BMP5: variants seen among roughly 807,000 people sequenced by gnomAD.
BMP5 encodes the protein bone morphogenetic protein 5.
BMP5 carries 23 observed loss-of-function variants against 46.6 expected under a neutral mutation model. The ratio of observed to expected loss-of-function variants is 0.49; its 90% CI spans 0.35 to 0.70. The LOEUF (loss-of-function observed/expected upper bound fraction) is 0.70, where lower values mean the gene tolerates loss of function less well. Ranked by LOEUF, BMP5 falls within the 30% of genes least tolerant of loss-of-function variation. The probability of loss-of-function intolerance (pLI) is 0.00; values close to 1 mark genes in which losing one functional copy is unlikely to be tolerated. For missense variants in BMP5, 545 were observed against 565.6 expected (o/e 0.96, Z 0.37); for synonymous variants, 204 against 191.9 (o/e 1.06, Z -0.52).
chr6:55,769,350 A>G (rs1774992681), intron 4 of BMP5, among the ~76,000 whole-genome samples: 1 of 151,940 alleles, frequency 6.6e-6, no homozygotes, highest in African/African-American at 2.4e-5. Context: ...CATTCACAGT[A>G]TCTTCACCAG....
At chr6:55,863,136 T>C (rs1233270730) in intron 1 of BMP5, among the ~76,000 whole-genome samples, 1 of 152,174 alleles carries the variant, frequency 6.6e-6, no homozygotes, top group East Asian at 1.9e-4. Flanking sequence ...AATGACTGAA[T>C]GAATGACCTT....
At chr6:55,784,076 T>C (rs1359950275) in intron 3 of BMP5, among the ~76,000 whole-genome samples, 1 of 151,922 alleles carries the variant, frequency 6.6e-6, no homozygotes, top group South Asian at 2.1e-4. Flanking sequence ...CTCATTCAAA[T>C]ATAAATAAAC....
chr6:55,843,598 GA>G (rs997755030), intron 1 of BMP5, among the ~76,000 whole-genome samples: 1 of 151,744 alleles, frequency 6.6e-6, no homozygotes, highest in African/African-American at 2.4e-5. Context: ...TTTAGGAATA[GA>G]AAAAAAGCAA....
At chr6:55,764,918 T>C (rs1213770569) in intron 4 of BMP5, among the ~76,000 whole-genome samples, 3 of 152,128 alleles carry the variant, frequency 2.0e-5, no homozygotes, top group African/African-American at 7.2e-5. Flanking sequence ...TTAGCGATAA[T>C]TAATTCTACA....
chr6:55,868,277 A>G (rs1412643039), intron 1 of BMP5, among the ~76,000 whole-genome samples: 1 of 152,212 alleles, frequency 6.6e-6, no homozygotes, highest in Non-Finnish European at 1.5e-5. Flanking sequence ...AACAAGAACA[A>G]TAAAAGTTGC....
intron 3 of BMP5, among the ~76,000 whole-genome samples, chr6:55,777,275 A>G (rs1775199183): frequency 6.6e-6 from 1 of 152,038 alleles, no homozygotes; most frequent in Non-Finnish European, 1.5e-5. Context: ...GTATTAAAAA[A>G]AAAGTAAATT....
intron 1 of BMP5, among the ~76,000 whole-genome samples, chr6:55,826,127 A>C (rs1338076533): frequency 6.6e-6 from 1 of 151,826 alleles, no homozygotes; most frequent in African/African-American, 2.4e-5. Context: ...GAATATGTAC[A>C]TGTTTTCCAT....
intron 2 of BMP5, among the ~76,000 whole-genome samples, chr6:55,808,750 C>A (rs1562048468): frequency 6.6e-6 from 1 of 152,196 alleles, no homozygotes; most frequent in Non-Finnish European, 1.5e-5. Context: ...AGGTGGGCCA[C>A]CGCACCCCAC....
intron 2 of BMP5, among the ~76,000 whole-genome samples, chr6:55,806,909 A>T (rs937013023): frequency 2.0e-5 from 3 of 152,102 alleles, no homozygotes; most frequent in African/African-American, 7.2e-5. Flanking sequence ...TGATTTTTGC[A>T]CATTGATTTT....
chr6:55,864,762 C>A (rs896007113), intron 1 of BMP5, among the ~76,000 whole-genome samples: 1 of 151,930 alleles, frequency 6.6e-6, no homozygotes, highest in African/African-American at 2.4e-5. Context: ...AATGTGCATC[C>A]TGTAATAGAA....
intron 1 of BMP5, among the ~76,000 whole-genome samples, chr6:55,863,011 T>G (rs938799836): frequency 6.6e-6 from 1 of 152,218 alleles, no homozygotes; most frequent in Non-Finnish European, 1.5e-5. Context: ...GGCACAAGAA[T>G]GAAGGATTCT....
In BMP5 at chr6:55,753,855, CTGTT is replaced by C. The variant is rs1774514606; in HGVS notation, c.*1674_*1677del. On this transcript the variant is annotated 3_prime_UTR_variant, in exon 7 of 7. Transcript: ENST00000370830. The stretch of plus-strand genomic sequence containing the variant: ...AATCAAGAACAGCAGAAATTAGCAT[CTGTT>C]TAATATATTTTAAAATATGGAAATA... 6.6e-6 allele frequency: 1 copy of C among 151,888 alleles called. No individual in the cohort carries two copies. The highest frequency in any genetic ancestry group is 1.5e-5 in the Non-Finnish European group (1 of 67,906). 9.4% of individuals were successfully genotyped at this position (151,888 alleles called of 1,614,324 possible).
chr6:55,796,325 T>A (rs1775711144), intron 2 of BMP5, among the ~76,000 whole-genome samples: 2 of 152,096 alleles, frequency 1.3e-5, no homozygotes, highest in Admixed American at 6.6e-5. Flanking sequence ...CTTTTGGTAG[T>A]CATTTCAATG....
chr6:55,757,448 A>G (rs932632127), intron 6 of BMP5, among the ~76,000 whole-genome samples: 4 of 152,004 alleles, frequency 2.6e-5, no homozygotes, highest in Non-Finnish European at 4.4e-5. Flanking sequence ...TCTTTATCTG[A>G]TATGCTTTCA....
At chr6:55,846,389 T>G (rs892570623) in intron 1 of BMP5, among the ~76,000 whole-genome samples, 2 of 152,016 alleles carry the variant, frequency 1.3e-5, no homozygotes, top group Non-Finnish European at 2.9e-5. Context: ...TTCAGGATGG[T>G]TCTCACTTAC....
chr6:55,760,406 G>A (rs12661915), intron 5 of BMP5, 51 bp downstream of exon 5: 7 of 1,512,726 alleles, frequency 4.6e-6, no homozygotes, highest in East Asian at 2.3e-5. Flanking sequence ...ACTTATTAAG[G>A]ATTTATGATA....
intron 5 of BMP5, 140 bp from the exon 6 acceptor site, chr6:55,759,255 G>T: frequency 1.7e-6 from 1 of 593,246 alleles, no homozygotes; most frequent in South Asian, 2.2e-5. Flanking sequence ...TATTGTATCT[G>T]AATAGGTTTC....
intron 2 of BMP5, among the ~76,000 whole-genome samples, chr6:55,809,444 A>G (rs1343911339): frequency 6.6e-6 from 1 of 152,130 alleles, no homozygotes; most frequent in Non-Finnish European, 1.5e-5. Context: ...TCCATAATAA[A>G]ACCACCTCTC....
Position 55,755,259 on chromosome 6 carries a change from TGGAC to T in BMP5, c.*270_*273del, listed in dbSNP as rs1774555431. 8.0e-6 allele frequency: 2 copies of T among 248,644 alleles called. No individual in the cohort carries two copies. Among genetic ancestry groups the T allele is most frequent in the Non-Finnish European group, 7.7e-6 (1 of 130,480 alleles). 15.4% of individuals were successfully genotyped at this position (248,644 alleles called of 1,614,324 possible). ...AAAAAAATGTTGAAATGGAATTGAA[TGGAC>T]TCAGCATAACCCATTGAAAATTATA... On this transcript the variant is annotated 3_prime_UTR_variant, in exon 7 of 7. Transcript: ENST00000370830.
Sources: gnomAD v4.1 joint callset for allele counts (sites outside exome capture counted in the v4.1 genomes callset) on GRCh38, gnomAD v4.1.1 for gene constraint, MANE v1.5 for transcripts, NCBI Gene and HGNC (gene_info 2026-07-23, HGNC 2026-07-21) for gene names.